ZNRF2: variants seen among roughly 807,000 people sequenced by gnomAD.
The protein encoded by ZNRF2 is E3 ubiquitin-protein ligase ZNRF2.
A neutral mutation model predicts 20.4 loss-of-function variants in ZNRF2; 16 were observed. The observed-to-expected ratio is 0.79, with a 90% CI of 0.53 to 1.19. ZNRF2 has a LOEUF of 1.19. ZNRF2 is among the 50% of genes most tolerant of loss of function. The pLI, the probability that ZNRF2 is intolerant of heterozygous loss-of-function variation, is 0.00. For missense variants in ZNRF2, 363 were observed against 332.4 expected (o/e 1.09, Z -0.72); for synonymous variants, 178 against 144.9 (o/e 1.23, Z -1.64).
At chr7:30,328,520 A>G (rs1023502626) in intron 2 of ZNRF2, among the ~76,000 whole-genome samples, 4 of 152,216 alleles carry the variant, frequency 2.6e-5, no homozygotes, top group Non-Finnish European at 5.9e-5. Flanking sequence ...TTATAACACA[A>G]GAATAGTGGG....
chr7:30,329,156 T>C (rs1562614536), intron 2 of ZNRF2, among the ~76,000 whole-genome samples: 1 of 152,194 alleles, frequency 6.6e-6, no homozygotes, highest in Non-Finnish European at 1.5e-5. Context: ...TAAAAAATTT[T>C]ATTATGTGTA....
chr7:30,331,983 TA>T (rs1799641630), intron 2 of ZNRF2, among the ~76,000 whole-genome samples: 1 of 152,162 alleles, frequency 6.6e-6, no homozygotes, highest in Non-Finnish European at 1.5e-5. Context: ...AAGCCCATTT[TA>T]TAAGGCACTA....
At chr7:30,311,576 A>T (rs1050319440) in intron 1 of ZNRF2, among the ~76,000 whole-genome samples, 1 of 152,178 alleles carries the variant, frequency 6.6e-6, no homozygotes, top group African/African-American at 2.4e-5. Context: ...CTAACTGCAG[A>T]TGTGTTAAGA....
intron 1 of ZNRF2, among the ~76,000 whole-genome samples, chr7:30,309,553 C>A (rs1799259301): frequency 6.6e-6 from 1 of 152,174 alleles, no homozygotes; most frequent in South Asian, 2.1e-4. Context: ...GTTCACTATC[C>A]TGAATCAGCA....
intron 3 of ZNRF2, 79 bp downstream of exon 3, chr7:30,355,912 C>A: frequency 9.3e-7 from 1 of 1,077,030 alleles, no homozygotes; most frequent in Non-Finnish European, 1.4e-6. Context: ...GAAAAGGAAT[C>A]TTCGTTGAAA....
At chr7:30,287,196 A>AGT (rs1798807879) in intron 1 of ZNRF2, among the ~76,000 whole-genome samples, 1 of 152,212 alleles carries the variant, frequency 6.6e-6, no homozygotes, top group Non-Finnish European at 1.5e-5. Context: ...GTGTCCTTAA[A>AGT]GTGATTTGAT....
intron 1 of ZNRF2, among the ~76,000 whole-genome samples, chr7:30,302,972 T>C (rs1799142421): frequency 6.6e-6 from 1 of 152,148 alleles, no homozygotes; most frequent in South Asian, 2.1e-4. Context: ...TTGTAACCTA[T>C]TAAAGTTCTG....
intron 2 of ZNRF2, among the ~76,000 whole-genome samples, chr7:30,354,109 T>G (rs1408953812): frequency 6.6e-6 from 1 of 151,644 alleles, no homozygotes; most frequent in Non-Finnish European, 1.5e-5. Context: ...AGAAAAGGCA[T>G]GGGGTGCAGG....
intron 2 of ZNRF2, among the ~76,000 whole-genome samples, chr7:30,351,384 T>A (rs1304714770): frequency 6.6e-6 from 1 of 152,038 alleles, no homozygotes; most frequent in Non-Finnish European, 1.5e-5. Context: ...AGATAAAAGA[T>A]GTTTTTTCAT....
rs534083777 is a variant in ZNRF2 at position 30,321,508 on chromosome 7, A to G, written c.470-2134A>G. Reference sequence around the variant, plus strand: ...GTTTTGGAGGGGAGGAGAGAGAAACATGTGTTTAATTCACTGTATTTAACT... The same window carrying G: ...GTTTTGGAGGGGAGGAGAGAGAAACGTGTGTTTAATTCACTGTATTTAACT... On this transcript the variant is annotated intron_variant, in intron 1 of 4. Coordinates refer to ENST00000323037, the MANE Select transcript of ZNRF2 (RefSeq NM_147128.4). Among the ~76,000 whole-genome samples, 39 of 150,984 alleles carry G rather than the reference A, an allele frequency of 2.6e-4. No homozygotes were observed. The South Asian group carries it at 7.1e-3, about 27-fold the overall frequency.
chr7:30,342,106 T>C (rs1433959340), intron 2 of ZNRF2, among the ~76,000 whole-genome samples: 1 of 152,064 alleles, frequency 6.6e-6, no homozygotes, highest in Admixed American at 6.6e-5. Flanking sequence ...TTCTTTATTT[T>C]GAGCCTATGT....
rs1392195383 is a variant in ZNRF2 at position 30,366,298 on chromosome 7, A to C, written c.*286A>C. Reference sequence around the variant, plus strand: ...TCCCTTAATAGTCATCTACATAGGTAATACTGATAAACATTTTGTATTCAG... The same window carrying C: ...TCCCTTAATAGTCATCTACATAGGTCATACTGATAAACATTTTGTATTCAG... On this transcript the variant is annotated 3_prime_UTR_variant, in exon 5 of 5. Coordinates refer to ENST00000323037, the MANE Select transcript of ZNRF2 (RefSeq NM_147128.4). The C allele has an allele frequency of 6.6e-6, 1 of 152,630 alleles. No homozygotes were observed. The highest frequency in any genetic ancestry group is 1.5e-5 in the Non-Finnish European group (1 of 68,022). The allele number at this position is 152,630 out of a possible 1,614,324, so 9.5% of individuals were successfully genotyped here. A position where few individuals can be genotyped will look rare whatever the true frequency, so the allele number is the denominator to read the frequency against.
intron 2 of ZNRF2, among the ~76,000 whole-genome samples, chr7:30,353,338 C>T (rs953249827): frequency 6.6e-5 from 10 of 152,064 alleles, no homozygotes; most frequent in Admixed American, 1.3e-4. Flanking sequence ...TCAGTGTGTT[C>T]GGGATGTTTT....
chr7:30,300,230 CCT>C (rs977607522), intron 1 of ZNRF2, among the ~76,000 whole-genome samples: 1 of 146,308 alleles, frequency 6.8e-6, no homozygotes, highest in Non-Finnish European at 1.5e-5. Flanking sequence ...CTCACTGCAA[CCT>C]CTGTCTCGTG....
Position 30,362,381 on chromosome 7 carries a change from A to G in ZNRF2, c.676A>G (p.Ile226Val). The change falls in exon 4 of 5, where the codon ATA (isoleucine) becomes GTA (valine). Residue 226 changes from isoleucine to valine, a missense_variant. By Grantham distance (29) the Ile-to-Val change is conservative. This residue lies in a region of ZNRF2 where 61 missense variants were observed against 100.9 expected (regional missense o/e 0.60). Coordinates refer to ENST00000323037, the MANE Select transcript of ZNRF2 (RefSeq NM_147128.4). ...TCTGGTTTTGTTCCTTTCTAGCTGC[A>G]TAGATGAATGGTTTGAAGTAAATAG... ...PCLCIYHKGC[I>V]DEWFEVNRSC... is the part of the protein sequence containing the mutation. The G allele has an allele frequency of 6.3e-7, 1 of 1,582,686 alleles. No individual in the cohort carries two copies. The highest frequency in any genetic ancestry group is 1.2e-5 in the South Asian group (1 of 85,130).
intron 2 of ZNRF2, among the ~76,000 whole-genome samples, chr7:30,350,254 C>T (rs1291416198): frequency 6.6e-6 from 1 of 151,910 alleles, no homozygotes; most frequent in Non-Finnish European, 1.5e-5. Context: ...ATTTCGATTT[C>T]CAGAATATTC....
intron 1 of ZNRF2, chr7:30,289,119 A>G (rs960375540): frequency 6.6e-6 from 1 of 152,192 alleles, no homozygotes; most frequent in African/African-American, 2.4e-5. Flanking sequence ...ATCTAAGACA[A>G]CCAGTGGTGC....
At chr7:30,328,443 G>A in intron 2 of ZNRF2, among the ~76,000 whole-genome samples, 1 of 152,106 alleles carries the variant, frequency 6.6e-6, no homozygotes, top group East Asian at 1.9e-4. Context: ...CTTTTCCAAA[G>A]TAGCTAGATC....
intron 1 of ZNRF2, among the ~76,000 whole-genome samples, chr7:30,309,552 C>G (rs1438713767): frequency 6.6e-6 from 1 of 152,148 alleles, no homozygotes. Context: ...AGTTCACTAT[C>G]CTGAATCAGC....
Sources: allele counts gnomAD v4.1 joint callset (sites outside exome capture counted in the v4.1 genomes callset), GRCh38; gene constraint gnomAD v4.1.1; regional missense constraint gnomAD v4.1.1; transcripts MANE v1.5; gene names NCBI Gene and HGNC (gene_info 2026-07-23, HGNC 2026-07-21).